PDZRN3: variants seen among roughly 807,000 people sequenced by gnomAD.
The protein encoded by PDZRN3 is PDZ domain containing ring finger 3.
In PDZRN3, 38 loss-of-function variants were observed where a neutral mutation model predicts 85.7. The ratio of observed to expected loss-of-function variants is 0.44; its 90% CI spans 0.34 to 0.58. The LOEUF is 0.58. Among genes scored for constraint, PDZRN3 ranks in the 20% least tolerant of loss-of-function variants. The pLI, the probability that PDZRN3 is intolerant of heterozygous loss-of-function variation, is 0.01. For missense variants in PDZRN3, 1,629 were observed against 1,506.4 expected (o/e 1.08, Z -1.35); for synonymous variants, 759 against 638.0 (o/e 1.19, Z -2.86).
Position 73,523,632 on chromosome 3 carries a change from A to G in PDZRN3, c.918+78722T>C, listed in dbSNP as rs1444209699. 2.0e-5 allele frequency among the ~76,000 whole-genome samples: 3 copies of G among 152,216 alleles called. No individual in the cohort carries two copies. The East Asian group carries it at 5.8e-4, about 29-fold the overall frequency. ...AAAAAATATTTACTACAGCACTTCA[A>G]ATAAGTGAAAAATATGATCACAAAA... On this transcript the variant is annotated intron_variant, in intron 3 of 9. Transcript: ENST00000263666.
intron 3 of PDZRN3, among the ~76,000 whole-genome samples, chr3:73,593,094 TAA>T (rs59357529): frequency 8.2e-5 from 12 of 146,268 alleles, no homozygotes; most frequent in South Asian, 2.1e-4. Flanking sequence ...AAAACTTCCT[TAA>T]AAAAAAAAAA....
chr3:73,570,083 T>G (rs193008410), intron 3 of PDZRN3, among the ~76,000 whole-genome samples: 1 of 152,186 alleles, frequency 6.6e-6, no homozygotes, highest in Non-Finnish European at 1.5e-5. Flanking sequence ...CGCTGACACA[T>G]TATATATTTG....
chr3:73,520,428 C>T (rs937153298), intron 3 of PDZRN3, among the ~76,000 whole-genome samples: 4 of 151,698 alleles, frequency 2.6e-5, no homozygotes, highest in East Asian at 1.9e-4. Flanking sequence ...CGCTTGAGCC[C>T]GGGAAGCTAA....
chr3:73,571,462 G>A (rs927938119), intron 3 of PDZRN3, among the ~76,000 whole-genome samples: 3 of 152,166 alleles, frequency 2.0e-5, no homozygotes, highest in African/African-American at 7.2e-5. Context: ...CATATTAGCA[G>A]AAGACACATT....
intron 3 of PDZRN3, among the ~76,000 whole-genome samples, chr3:73,587,554 G>C (rs2106875266): frequency 6.6e-6 from 1 of 152,312 alleles, no homozygotes; most frequent in Non-Finnish European, 1.5e-5. Flanking sequence ...GTTTATCAAA[G>C]AGGGATTCCC....
At chr3:73,385,326 CT>C (rs563475497) in intron 9 of PDZRN3, among the ~76,000 whole-genome samples, 723 of 152,316 alleles carry the variant, frequency 4.7e-3, no homozygotes, top group Non-Finnish European at 7.2e-3. Flanking sequence ...AGCTAGAGAG[CT>C]CCAAGCAGCT....
intron 3 of PDZRN3, among the ~76,000 whole-genome samples, chr3:73,421,214 A>G (rs1328878236): frequency 6.6e-6 from 1 of 152,216 alleles, no homozygotes; most frequent in Non-Finnish European, 1.5e-5. Context: ...ATACACTCAC[A>G]CACACATTAA....
At chr3:73,456,238 TATC>T in intron 3 of PDZRN3, among the ~76,000 whole-genome samples, 1 of 152,238 alleles carries the variant, frequency 6.6e-6, no homozygotes, top group African/African-American at 2.4e-5. Context: ...TTCTCCTTGT[TATC>T]ATGGTGAAAC....
chr3:73,446,855 C>T (rs1029295682), intron 3 of PDZRN3, among the ~76,000 whole-genome samples: 3 of 151,788 alleles, frequency 2.0e-5, no homozygotes, highest in African/African-American at 7.3e-5. Flanking sequence ...TCATGTCTTA[C>T]CCTCGTGACT....
intron 3 of PDZRN3, among the ~76,000 whole-genome samples, chr3:73,411,781 T>C (rs2106748979): frequency 6.6e-6 from 1 of 152,352 alleles, no homozygotes; most frequent in African/African-American, 2.4e-5. Flanking sequence ...CACTCCGTGC[T>C]TCGTTGCTCA....
intron 5 of PDZRN3, among the ~76,000 whole-genome samples, chr3:73,395,831 T>C (rs968876919): frequency 6.6e-6 from 1 of 152,264 alleles, no homozygotes; most frequent in African/African-American, 2.4e-5. Context: ...GCCTACTATA[T>C]GCCAGACATG....
chr3:73,517,916 G>T (rs777202064), intron 3 of PDZRN3, among the ~76,000 whole-genome samples: 7 of 152,090 alleles, frequency 4.6e-5, no homozygotes, highest in Non-Finnish European at 1.0e-4. Context: ...TCAAAGCAAA[G>T]AATACACATA....
chr3:73,593,660 A>G (rs1702392420), intron 3 of PDZRN3, among the ~76,000 whole-genome samples: 1 of 151,874 alleles, frequency 6.6e-6, no homozygotes, highest in Non-Finnish European at 1.5e-5. Context: ...ATCAAAAGAC[A>G]CTTTTAAATT....
intron 9 of PDZRN3, among the ~76,000 whole-genome samples, chr3:73,385,239 A>G (rs1174589867): frequency 6.6e-6 from 1 of 152,212 alleles, no homozygotes; most frequent in Non-Finnish European, 1.5e-5. Context: ...AAGGATGTAT[A>G]AAGGTCCTTG....
rs753598332 is a variant in PDZRN3 at position 73,404,405 on chromosome 3, A to T, written c.919-10T>A. 6.2e-7 allele frequency: 1 copy of T among 1,608,888 alleles called. No homozygotes were observed. The highest frequency in any genetic ancestry group is 8.5e-7 in the Non-Finnish European group (1 of 1,177,162). On this transcript the variant is annotated splice_polypyrimidine_tract_variant and intron_variant, in intron 3 of 9. Coordinates refer to ENST00000263666, the MANE Select transcript of PDZRN3 (RefSeq NM_015009.3). The stretch of plus-strand genomic sequence containing the variant: ...AGTCTCTGCCGTTGACCTGTGGAAA[A>T]ATATTTAGGGTGGGACAAGGTTAGA...
rs773932870 is a variant in PDZRN3 at position 73,602,379 on chromosome 3, A to C, written c.893T>G (p.Leu298Arg). Residue 298 changes from leucine (L) to arginine (R), a missense_variant, in exon 3 of 10, where the codon CTG becomes CGG. Coordinates refer to ENST00000263666, the MANE Select transcript of PDZRN3 (RefSeq NM_015009.3). The stretch of plus-strand genomic sequence containing the variant: ...CTCAATAATCCTGTCATGAATTTGC[A>C]GGCCTCCTTCCTTGGCTGCAGGCCC... The part of the protein sequence containing the change: ...DSGPAAKEGG[L>R]QIHDRIIEVN... The C allele has an allele frequency of 1.3e-6, 2 of 1,597,968 alleles. No homozygotes were observed. Among genetic ancestry groups the C allele is most frequent in the Non-Finnish European group, 1.7e-6 (2 of 1,165,352 alleles).
chr3:73,616,550 CAG>C (rs199831148), intron 1 of PDZRN3, among the ~76,000 whole-genome samples: 2,033 of 152,292 alleles, frequency 0.013, 50 homozygotes, highest in African/African-American at 0.046. Flanking sequence ...GCAAAACAGA[CAG>C]AGGATAGAAA....
At chr3:73,614,680 T>G (rs1176514510) in intron 1 of PDZRN3, among the ~76,000 whole-genome samples, 1 of 152,200 alleles carries the variant, frequency 6.6e-6, no homozygotes, top group African/African-American at 2.4e-5. Flanking sequence ...ATGAAAGCAC[T>G]GTATATTTGG....
intron 3 of PDZRN3, among the ~76,000 whole-genome samples, chr3:73,582,665 A>G (rs916500856): frequency 6.6e-6 from 1 of 152,168 alleles, no homozygotes; most frequent in Non-Finnish European, 1.5e-5. Context: ...TGTGGCATAA[A>G]GGAAAGCACA....
Sources: gnomAD v4.1 joint callset for allele counts (sites outside exome capture counted in the v4.1 genomes callset) on GRCh38, gnomAD v4.1.1 for gene constraint, MANE v1.5 for transcripts, NCBI Gene and HGNC (gene_info 2026-07-23, HGNC 2026-07-21) for gene names.